The following PRTG variants were observed in gnomAD, a reference collection of about 807,000 sequenced individuals.
The protein encoded by PRTG is protogenin.
A neutral mutation model predicts 122.5 loss-of-function variants in PRTG; 67 were observed. The ratio of observed to expected loss-of-function variants is 0.55; its 90% CI spans 0.45 to 0.67. The LOEUF (loss-of-function observed/expected upper bound fraction) is 0.67. PRTG is among the 30% of genes least tolerant of loss of function. The pLI, the probability that PRTG is intolerant of heterozygous loss-of-function variation, is 0.00. For synonymous variants in PRTG, 554 were observed against 501.1 expected (o/e 1.11, Z -1.41); for missense variants, 1,435 against 1,415.4 (o/e 1.01, Z -0.22).
Position 55,637,340 on chromosome 15 carries a change from G to A in PRTG, c.2453C>T (p.Ala818Val), listed in dbSNP as rs761500015. 2 of 1,611,076 alleles carry A rather than the reference G, an allele frequency of 1.2e-6. No homozygotes were observed. The highest frequency in any genetic ancestry group is 3.4e-5 in the Admixed American group (2 of 59,474). Residue 818 changes from alanine to valine, a missense_variant and splice_region_variant, in exon 15 of 20, where the codon GCA becomes GTA. Ala to Val is a moderately conservative substitution (Grantham distance 64). Transcript: ENST00000389286. ...TACTCCAACTGGTGGGCCTGCTGGT[G>A]CTGTGCAGACACAACAAAACATTGT... is the stretch of plus-strand genomic sequence containing the variant. ...PVVYHSTLPE[A>V]PAGPPVGVKV...
At chr15:55,709,220 T>TA (rs1555435442) in intron 2 of PRTG, among the ~76,000 whole-genome samples, 1 of 143,286 alleles carries the variant, frequency 7.0e-6, no homozygotes, top group African/African-American at 2.6e-5. Context: ...TTAGATAGTT[T>TA]AATTTCTTTA....
At chr15:55,653,220 G>C (rs946413880) in intron 11 of PRTG, among the ~76,000 whole-genome samples, 2 of 152,078 alleles carry the variant, frequency 1.3e-5, no homozygotes, top group Non-Finnish European at 2.9e-5. Context: ...AACTTTCCCT[G>C]TGTATTCTAT....
At chr15:55,643,377 A>C (rs1483663883) in intron 11 of PRTG, among the ~76,000 whole-genome samples, 5 of 152,202 alleles carry the variant, frequency 3.3e-5, no homozygotes, top group Non-Finnish European at 7.3e-5. Flanking sequence ...TGACTATCAG[A>C]AAACACCATA....
In PRTG at chr15:55,673,471, G is replaced by A. The variant is rs2059484680; in HGVS notation, c.1752C>T (p.Asp584=). Residue 584 remains aspartate, a synonymous_variant, in exon 10 of 20, where the codon GAC becomes GAT. Coordinates refer to ENST00000389286, the MANE Select transcript of PRTG (RefSeq NM_173814.6). ...CAGTAATCCGAACCAGGTAGACACTGTCAGGTTTCAGGCCTTCCAAAAGGT... is the reference window on the plus strand; with the variant it reads ...CAGTAATCCGAACCAGGTAGACACTATCAGGTTTCAGGCCTTCCAAAAGGT... ...HEYLLEGLKP[D]SVYLVRITAA... The A allele has an allele frequency of 6.2e-7, 1 of 1,614,122 alleles. No homozygotes were observed. Among genetic ancestry groups the A allele is most frequent in the Admixed American group, 1.7e-5 (1 of 60,012 alleles).
chr15:55,728,047 G>T (rs930192408), intron 2 of PRTG, among the ~76,000 whole-genome samples: 3 of 151,948 alleles, frequency 2.0e-5, no homozygotes, highest in Non-Finnish European at 4.4e-5. Flanking sequence ...TGTGTTTTTA[G>T]TAGAGACGGG....
At chr15:55,713,060 T>C (rs145317768) in intron 2 of PRTG, among the ~76,000 whole-genome samples, 4 of 152,312 alleles carry the variant, frequency 2.6e-5, no homozygotes, top group Middle Eastern at 3.4e-3. Context: ...AGAGATTTGG[T>C]TAAAATCCCT....
chr15:55,725,781 T>C (rs2031008593), intron 2 of PRTG, among the ~76,000 whole-genome samples: 1 of 152,174 alleles, frequency 6.6e-6, no homozygotes, highest in Admixed American at 6.5e-5. Context: ...TAACTTTATT[T>C]ATCTATTTGA....
chr15:55,667,912 C>G lies in PRTG; in HGVS notation c.2041+4533G>C, dbSNP rs149443918. Among the ~76,000 whole-genome samples the G allele has an allele frequency of 1.2e-3, 187 of 152,112 alleles. 2 individuals carry two copies. In the East Asian group the frequency reaches 0.031, roughly 25 times the overall value. The stretch of plus-strand genomic sequence containing the variant: ...ACCAGCCTGGGCAACAGAATGAAAC[C>G]CCGTCTCTACCAAAAATACCAAAAA... On this transcript the variant is annotated intron_variant, in intron 11 of 19. Transcript: ENST00000389286.
At chr15:55,638,766 A>C in intron 13 of PRTG, 90 bp from the exon 14 acceptor site, 5 of 1,153,374 alleles carry the variant, frequency 4.3e-6, no homozygotes, top group Non-Finnish European at 6.1e-6. Context: ...TAAGGGCATA[A>C]TGTTATTTTT....
At chr15:55,674,289 G>T (rs917977182) in intron 9 of PRTG, among the ~76,000 whole-genome samples, 1 of 152,148 alleles carries the variant, frequency 6.6e-6, no homozygotes, top group Non-Finnish European at 1.5e-5. Flanking sequence ...TACCATGTAC[G>T]ACTCTGTGAT....
At chr15:55,727,928 G>T (rs1011673919) in intron 2 of PRTG, among the ~76,000 whole-genome samples, 8 of 152,110 alleles carry the variant, frequency 5.3e-5, no homozygotes, top group Non-Finnish European at 7.4e-5. Flanking sequence ...GAAGTGGCAC[G>T]ATCTTGGCTC....
intron 11 of PRTG, among the ~76,000 whole-genome samples, chr15:55,653,475 T>C (rs1038171845): frequency 1.3e-5 from 2 of 152,140 alleles, no homozygotes; most frequent in Non-Finnish European, 2.9e-5. Context: ...TTTTTTTTTT[T>C]TTCTGAGATG....
At chr15:55,738,015 TATATATATATACAC>T (rs1432794333) in intron 2 of PRTG, among the ~76,000 whole-genome samples, 1 of 106,886 alleles carries the variant, frequency 9.4e-6, no homozygotes, top group South Asian at 2.7e-4. Flanking sequence ...TATATATATA[TATATATATATACAC>T]ACACACACAC....
chr15:55,631,613 A>T (rs893065277), intron 15 of PRTG, among the ~76,000 whole-genome samples: 1 of 152,222 alleles, frequency 6.6e-6, no homozygotes, highest in African/African-American at 2.4e-5. Flanking sequence ...TAGTGTGATT[A>T]TTTCCGTCTC....
chr15:55,727,930 T>A (rs1022104040), intron 2 of PRTG, among the ~76,000 whole-genome samples: 1 of 152,156 alleles, frequency 6.6e-6, no homozygotes, highest in Non-Finnish European at 1.5e-5. Flanking sequence ...AGTGGCACGA[T>A]CTTGGCTCAC....
At chr15:55,724,481 T>C (rs575494324) in intron 2 of PRTG, among the ~76,000 whole-genome samples, 1 of 152,250 alleles carries the variant, frequency 6.6e-6, no homozygotes, top group South Asian at 2.1e-4. Context: ...CTGGGTGCTA[T>C]AGCTCACATG....
At chr15:55,689,420 C>A (rs934749009) in intron 2 of PRTG, among the ~76,000 whole-genome samples, 1 of 152,034 alleles carries the variant, frequency 6.6e-6, no homozygotes, top group East Asian at 1.9e-4. Flanking sequence ...CATATTTTAA[C>A]TCTTTTTAGC....
At chr15:55,651,841 G>A (rs950889958) in intron 11 of PRTG, among the ~76,000 whole-genome samples, 9 of 152,134 alleles carry the variant, frequency 5.9e-5, no homozygotes, top group African/African-American at 1.9e-4. Context: ...TTCCCCCAAA[G>A]GAGTGACTCC....
In PRTG at chr15:55,639,703, A is replaced by C; in HGVS notation, c.2263T>G (p.Tyr755Asp). The C allele has an allele frequency of 6.2e-7, 1 of 1,614,184 alleles. No homozygotes were observed. Among genetic ancestry groups the C allele is most frequent in the African/African-American group, 1.3e-5 (1 of 75,044 alleles). ...PAFTAAQIIN[Y>D]TIRCNPVGLQ... ...CCAACAGGATTACAGCGGATGGTGTAGTTAATGATTTGTGCAGCGGTGAAT... is the reference window on the plus strand; with the variant it reads ...CCAACAGGATTACAGCGGATGGTGTCGTTAATGATTTGTGCAGCGGTGAAT... The change falls in exon 13 of 20, where the codon TAC becomes GAC. Residue 755 changes from tyrosine (Y) to aspartate (D), a missense_variant. Transcript: ENST00000389286.
Sources: allele counts gnomAD v4.1 joint callset (sites outside exome capture counted in the v4.1 genomes callset), GRCh38; gene constraint gnomAD v4.1.1; transcripts MANE v1.5; gene names NCBI Gene and HGNC (gene_info 2026-07-23, HGNC 2026-07-21).